The following CHMP3 variants were observed in gnomAD, a reference collection of about 807,000 sequenced individuals.
CHMP3 encodes 25.1 protein.
Under a neutral mutation model 27.4 loss-of-function variants are expected in CHMP3, and 8 were observed. The ratio of observed to expected loss-of-function variants is 0.29; its 90% CI spans 0.17 to 0.53. The LOEUF is 0.53. CHMP3 is among the 20% of genes least tolerant of loss of function. CHMP3 has a pLI of 0.96. For missense variants in CHMP3, 208 were observed against 271.5 expected (o/e 0.77, Z 1.64); for synonymous variants, 86 against 85.5 (o/e 1.01, Z -0.03).
At chr2:86,510,858 G>A (rs546510994) in intron 3 of CHMP3, 21 of 205,632 alleles carry the variant, frequency 1.0e-4, no homozygotes, top group South Asian at 5.5e-4. Flanking sequence ...TTCAGGACCC[G>A]AGCAGAGCTC....
In CHMP3 at chr2:86,542,355, C is replaced by T. The variant is rs373927377; in HGVS notation, c.46-43G>A. On this transcript the variant is annotated intron_variant, in intron 1 of 5. Transcript: ENST00000263856. ...AAAGGAATGAGGAGAAAAGCCGAAA[C>T]TCCTAACTCAATCTAATTTAAGAAT... 1.2e-5 allele frequency: 19 copies of T among 1,559,082 alleles called. No individual in the cohort carries two copies. The African/African-American group carries it at 2.0e-4, about 17-fold the overall frequency.
intron 1 of CHMP3, among the ~76,000 whole-genome samples, chr2:86,543,377 G>A (rs554827315): frequency 6.6e-6 from 1 of 152,320 alleles, no homozygotes; most frequent in Admixed American, 6.5e-5. Flanking sequence ...TAAAAAATCT[G>A]ACATATAGAG....
chr2:86,546,600 G>C (rs1676617342), intron 1 of CHMP3, among the ~76,000 whole-genome samples: 1 of 151,970 alleles, frequency 6.6e-6, no homozygotes, highest in South Asian at 2.1e-4. Flanking sequence ...ACCACACCTG[G>C]CTAATTTTTG....
Position 86,505,571 on chromosome 2 carries a change from C to A in CHMP3, c.*233G>T. 2.3e-6 allele frequency: 1 copy of A among 433,128 alleles called. No homozygotes were observed. Among genetic ancestry groups the A allele is most frequent in the South Asian group, 1.2e-4 (1 of 8,640 alleles). 26.8% of individuals were successfully genotyped at this position (433,128 alleles called of 1,614,324 possible). A position where few individuals can be genotyped will look rare whatever the true frequency, so the allele number is the denominator to read the frequency against. ...GCTTCATGAGCAGATGGATTTCTTT[C>A]CCCTCCCCACAATAAGATATATCTG... On this transcript the variant is annotated 3_prime_UTR_variant, in exon 6 of 6. Transcript: ENST00000263856.
intron 1 of CHMP3, among the ~76,000 whole-genome samples, chr2:86,552,511 T>C (rs543191492): frequency 4.3e-4 from 66 of 152,306 alleles, no homozygotes; most frequent in African/African-American, 1.6e-3. Context: ...TAAATGTTAA[T>C]GTGTCTAAGT....
intron 1 of CHMP3, among the ~76,000 whole-genome samples, chr2:86,552,607 TG>T (rs1426646776): frequency 1.4e-4 from 22 of 152,282 alleles, no homozygotes; most frequent in Admixed American, 1.4e-3. Context: ...GAAAACATAA[TG>T]TAAAGATCTG....
At chr2:86,531,925 A>C (rs535760745) in intron 2 of CHMP3, among the ~76,000 whole-genome samples, 1 of 152,156 alleles carries the variant, frequency 6.6e-6, no homozygotes, top group South Asian at 2.1e-4. Flanking sequence ...GACTATTTTG[A>C]TTATTTAGGG....
At chr2:86,542,369 T>C (rs528042924) in intron 1 of CHMP3, 57 bp from the exon 2 acceptor site, 2 of 1,514,100 alleles carry the variant, frequency 1.3e-6, no homozygotes, top group East Asian at 2.3e-5. Context: ...TAACTCAATC[T>C]AATTTAAGAA....
intron 3 of CHMP3, among the ~76,000 whole-genome samples, chr2:86,514,711 A>G (rs1464210875): frequency 6.6e-6 from 1 of 152,224 alleles, no homozygotes; most frequent in Non-Finnish European, 1.5e-5. Context: ...TTAATGGTAG[A>G]AAGTCCCAGA....
At chr2:86,517,380 C>T (rs1347951624) in intron 3 of CHMP3, among the ~76,000 whole-genome samples, 1 of 151,636 alleles carries the variant, frequency 6.6e-6, no homozygotes, top group African/African-American at 2.4e-5. Context: ...TCCTGGCTAA[C>T]ACAGTGAAAC....
chr2:86,534,205 T>C (rs1398027116), intron 2 of CHMP3, among the ~76,000 whole-genome samples: 2 of 131,938 alleles, frequency 1.5e-5, no homozygotes, highest in Non-Finnish European at 3.2e-5. Flanking sequence ...TCTTTTTTTT[T>C]TTTTTTTTTT....
At chr2:86,520,043 C>T (rs1231142207) in intron 3 of CHMP3, among the ~76,000 whole-genome samples, 1 of 152,128 alleles carries the variant, frequency 6.6e-6, no homozygotes, top group Admixed American at 6.6e-5. Context: ...TAATGTTAGA[C>T]TAACAAAAGC....
chr2:86,549,393 ACTC>A, intron 1 of CHMP3, among the ~76,000 whole-genome samples: 1 of 51,556 alleles, frequency 1.9e-5, no homozygotes, highest in African/African-American at 8.1e-5. Flanking sequence ...GGGCAGAGGC[ACTC>A]CTCCCTTCCC....
At position 86,503,747 on chromosome 2, in the gene CHMP3, A is replaced by T. The variant is rs1313509799; in HGVS notation, c.*2057T>A. The stretch of plus-strand genomic sequence containing the variant: ...AATATGACATTCTAGAAAAGGAAGA[A>T]CTATGGCGACAGTAAAAAGTGGTTG... On this transcript the variant is annotated 3_prime_UTR_variant, in exon 6 of 6. Coordinates refer to ENST00000263856, the MANE Select transcript of CHMP3 (RefSeq NM_016079.4). 6.6e-6 allele frequency: 1 copy of T among 152,274 alleles called. No homozygotes were observed. Among genetic ancestry groups the T allele is most frequent in the African/African-American group, 2.4e-5 (1 of 41,468 alleles). The allele number at this position is 152,274 out of a possible 1,614,324, so 9.4% of individuals were successfully genotyped here.
intron 1 of CHMP3, among the ~76,000 whole-genome samples, chr2:86,554,710 C>A (rs996014169): frequency 6.6e-6 from 1 of 152,132 alleles, no homozygotes; most frequent in African/African-American, 2.4e-5. Flanking sequence ...TAAAGAAACT[C>A]TCTCACAAAT....
At position 86,544,551 on chromosome 2, in the gene CHMP3, C is replaced by G. The variant is rs531856725; in HGVS notation, c.46-2239G>C. 9.2e-5 allele frequency among the ~76,000 whole-genome samples: 14 copies of G among 151,918 alleles called. 1 individual carries two copies. The highest frequency in any genetic ancestry group is 3.3e-4 in the Admixed American group (5 of 15,264). On this transcript the variant is annotated intron_variant, in intron 1 of 5. Coordinates refer to ENST00000263856, the MANE Select transcript of CHMP3 (RefSeq NM_016079.4). ...ATTAGGGAGTGGTGATGACTCTTAA[C>G]GAGCATGCTGCCTTCAAGCATCTGT...
chr2:86,539,093 G>A (rs918769206), intron 2 of CHMP3, among the ~76,000 whole-genome samples: 1 of 151,994 alleles, frequency 6.6e-6, no homozygotes, highest in Non-Finnish European at 1.5e-5. Flanking sequence ...TTTTACCCTA[G>A]TATTTCTTTT....
chr2:86,524,803 T>C (rs1057107406), intron 3 of CHMP3, among the ~76,000 whole-genome samples: 1 of 152,232 alleles, frequency 6.6e-6, no homozygotes, highest in Non-Finnish European at 1.5e-5. Context: ...GATAGGTACA[T>C]AGAGATTCAT....
intron 1 of CHMP3, among the ~76,000 whole-genome samples, chr2:86,544,123 A>G (rs905359010): frequency 6.6e-6 from 1 of 152,222 alleles, no homozygotes; most frequent in African/African-American, 2.4e-5. Context: ...TGTAGCCTGT[A>G]TCAGTACTTC....
Sources: allele counts gnomAD v4.1 joint callset (sites outside exome capture counted in the v4.1 genomes callset), GRCh38; gene constraint gnomAD v4.1.1; transcripts MANE v1.5; gene names NCBI Gene and HGNC (gene_info 2026-07-23, HGNC 2026-07-21).